DAPK2: variants seen among roughly 807,000 people sequenced by gnomAD.
DAPK2 encodes death-associated protein kinase 2.
A neutral mutation model predicts 44.1 loss-of-function variants in DAPK2; 35 were observed. The ratio of observed to expected loss-of-function variants is 0.79; its 90% confidence interval spans 0.61 to 1.05. The LOEUF (loss-of-function observed/expected upper bound fraction) is 1.05. DAPK2 is among the 50% of genes least tolerant of loss of function. The pLI is 0.00. For missense variants in DAPK2, 453 were observed against 483.2 expected (o/e 0.94, Z 0.59); for synonymous variants, 174 against 182.6 (o/e 0.95, Z 0.38).
At chr15:63,969,036 T>G (rs1400975784) in intron 3 of DAPK2, among the ~76,000 whole-genome samples, 2 of 152,208 alleles carry the variant, frequency 1.3e-5, no homozygotes, top group Admixed American at 6.5e-5. Flanking sequence ...TCCAAAGGCC[T>G]GCCCAGGCCT....
At chr15:63,938,462 G>A (rs189543985) in intron 4 of DAPK2, among the ~76,000 whole-genome samples, 1 of 152,190 alleles carries the variant, frequency 6.6e-6, no homozygotes, top group Non-Finnish European at 1.5e-5. Flanking sequence ...TCCACCAGGT[G>A]GTTGGTCTGA....
chr15:63,908,305 G>GA lies in DAPK2; in HGVS notation c.*214_*215insT. The GA allele has an allele frequency of 2.5e-6, 1 of 404,550 alleles. No individual in the cohort carries two copies. Among genetic ancestry groups the GA allele is most frequent in the Non-Finnish European group, 4.4e-6 (1 of 227,860 alleles). The allele number at this position is 404,550 out of a possible 1,614,324, so 25.1% of individuals were successfully genotyped here. A position where few individuals can be genotyped will look rare whatever the true frequency, so the allele number is the denominator to read the frequency against. On this transcript the variant is annotated 3_prime_UTR_variant, in exon 11 of 11. Coordinates refer to ENST00000261891, the Ensembl canonical transcript of DAPK2. The surrounding 1 kb of genome is among the most constrained non-coding windows in gnomAD (Gnocchi z 5.7). The stretch of plus-strand genomic sequence containing the variant: ...AAGCCCATTTTATGGAGAATTAAGA[G>GA]CTTTGGGAATGCTGGAGCCTCCTCC...
intron 1 of DAPK2, among the ~76,000 whole-genome samples, chr15:64,035,581 TCTC>T (rs2080157645): frequency 6.6e-6 from 1 of 152,210 alleles, no homozygotes; most frequent in African/African-American, 2.4e-5. Context: ...GTTCACCTCT[TCTC>T]CTCTCTGGCC....
At chr15:63,932,923 G>A (rs1001557433) in intron 4 of DAPK2, among the ~76,000 whole-genome samples, 5 of 152,210 alleles carry the variant, frequency 3.3e-5, no homozygotes, top group African/African-American at 7.2e-5. Flanking sequence ...ACTGCTATAC[G>A]GTAATCCATC....
At chr15:64,015,094 T>C (rs1209731129) in intron 1 of DAPK2, among the ~76,000 whole-genome samples, 1 of 152,100 alleles carries the variant, frequency 6.6e-6, no homozygotes, top group Admixed American at 6.5e-5. Context: ...GAACAGATTC[T>C]GCAGTGTTAA....
In DAPK2 at chr15:63,997,157, A is replaced by C. The variant is rs145865087; in HGVS notation, c.93-13403T>G. ...TCACCACCCCCAATTAGCAACTCCC[A>C]GGTGCCTTCAGGGTTGCCACTCCTG... On this transcript the variant is annotated intron_variant, in intron 1 of 10. Coordinates refer to ENST00000261891, the Ensembl canonical transcript of DAPK2. Among the ~76,000 whole-genome samples, 412 of 152,216 alleles carry C rather than the reference A, an allele frequency of 2.7e-3. 2 individuals are homozygous for C. Among genetic ancestry groups the C allele is most frequent in the Admixed American group, 6.0e-3 (91 of 15,280 alleles).
intron 1 of DAPK2, among the ~76,000 whole-genome samples, chr15:64,034,018 A>T (rs1384499382): frequency 6.6e-6 from 1 of 152,152 alleles, no homozygotes; most frequent in African/African-American, 2.4e-5. Context: ...TATACTCTTC[A>T]TAACTTTATG....
chr15:63,983,441 C>T, intron 2 of DAPK2, 92 bp downstream of exon 3: 2 of 1,195,934 alleles, frequency 1.7e-6, no homozygotes, highest in Non-Finnish European at 2.4e-6. Context: ...GGCCTGGTTG[C>T]TGCTGCCCCC....
chr15:63,957,369 T>A (rs1468976952), intron 3 of DAPK2, among the ~76,000 whole-genome samples: 1 of 152,110 alleles, frequency 6.6e-6, no homozygotes, highest in African/African-American at 2.4e-5. Context: ...TCTTTATTAT[T>A]ATTATACATT....
chr15:63,958,434 T>C (rs1372165620), intron 3 of DAPK2, among the ~76,000 whole-genome samples: 1 of 152,228 alleles, frequency 6.6e-6, no homozygotes, highest in Non-Finnish European at 1.5e-5. Context: ...TGCCCATGTG[T>C]ATGGCCTGAA....
rs572944174 is a variant in DAPK2, at chr15:63,982,161, T to C, written c.314+1372A>G. 1.1e-3 allele frequency among the ~76,000 whole-genome samples: 171 copies of C among 149,712 alleles called. 2 individuals carry two copies. In the South Asian group the frequency reaches 0.026, roughly 22 times the overall value. ...TCACTCCCGCTACCAGGCAGGTGTA[T>C]ACATGCTTATGAGCCTCAGAATATT... On this transcript the variant is annotated intron_variant, in intron 2 of 10. Coordinates refer to ENST00000261891, the Ensembl canonical transcript of DAPK2.
At chr15:63,975,718 C>T (rs1195420413) in intron 2 of DAPK2, among the ~76,000 whole-genome samples, 2 of 152,080 alleles carry the variant, frequency 1.3e-5, no homozygotes, top group Admixed American at 1.3e-4. Flanking sequence ...CAGGCCTCAG[C>T]CTCCTGAGTA....
At chr15:64,011,929 T>G (rs2079399545) in intron 1 of DAPK2, among the ~76,000 whole-genome samples, 1 of 152,092 alleles carries the variant, frequency 6.6e-6, no homozygotes, top group South Asian at 2.1e-4. Context: ...GCAAAACCCC[T>G]CTTCTTGGGC....
At chr15:63,925,538 T>C (rs781723121) in intron 7 of DAPK2, among the ~76,000 whole-genome samples, 5 of 152,140 alleles carry the variant, frequency 3.3e-5, no homozygotes, top group Non-Finnish European at 7.3e-5. Flanking sequence ...CTGACCTCTC[T>C]GAGCCTACCA....
At chr15:63,983,506 C>T (rs1165276668) in intron 2 of DAPK2, 27 bp downstream of exon 3, 3 of 1,606,124 alleles carry the variant, frequency 1.9e-6, no homozygotes, top group African/African-American at 2.7e-5. Context: ...GCCCCCCAAC[C>T]CTGTGGGTCC....
At chr15:64,011,562 T>C (rs1015330602) in intron 1 of DAPK2, among the ~76,000 whole-genome samples, 3 of 152,182 alleles carry the variant, frequency 2.0e-5, no homozygotes, top group African/African-American at 7.2e-5. Flanking sequence ...AAAACAACGC[T>C]ACAGCCTTAT....
chr15:64,046,326 G>A, upstream of DAPK2: 5 of 958,886 alleles, frequency 5.2e-6, no homozygotes, highest in African/African-American at 2.4e-5. The surrounding 1 kb of genome is among the most constrained non-coding windows in gnomAD (Gnocchi z 5.3). Context: ...CGCGGTCGCG[G>A]CCGCGGCAGG....
intron 1 of DAPK2, among the ~76,000 whole-genome samples, chr15:64,002,326 T>C (rs1261510797): frequency 1.3e-5 from 2 of 152,254 alleles, no homozygotes; most frequent in Non-Finnish European, 2.9e-5. Context: ...GTCTTCTTAT[T>C]GGAAACACAA....
intron 4 of DAPK2, among the ~76,000 whole-genome samples, chr15:63,934,089 C>CT (rs1185204408): frequency 6.6e-6 from 1 of 151,554 alleles, no homozygotes; most frequent in Admixed American, 6.6e-5. Flanking sequence ...TCCCCAACTT[C>CT]TTTTTTTTAA....
Sources: allele counts gnomAD v4.1 joint callset (sites outside exome capture counted in the v4.1 genomes callset), GRCh38; gene constraint gnomAD v4.1.1; non-coding constraint Gnocchi (gnomAD v3.1); transcripts MANE v1.5; gene names NCBI Gene and HGNC (gene_info 2026-07-23, HGNC 2026-07-21).